Variants in ACAP2 observed in about 807,000 individuals in gnomAD.
ACAP2 encodes arf-GAP with coiled-coil, ANK repeat and PH domain-containing protein 2.
ACAP2 carries 39 observed loss-of-function variants against 115.8 expected under a neutral mutation model. The ratio of observed to expected loss-of-function variants is 0.34; its 90% CI spans 0.26 to 0.44. The LOEUF (loss-of-function observed/expected upper bound fraction) is 0.44. Among genes scored for constraint, ACAP2 ranks in the 20% least tolerant of loss-of-function variants. The pLI is 1.00. For synonymous variants in ACAP2, 289 were observed against 315.8 expected, an observed-to-expected ratio of 0.92 and a Z score of 0.90; for missense variants, 662 against 927.6, an observed-to-expected ratio of 0.71 and a Z score of 3.72.
At position 195,276,465 on chromosome 3, in the gene ACAP2, C is replaced by T. The variant is rs1726188429; in HGVS notation, c.*2863G>A. 2 of 152,164 alleles carry T rather than the reference C, an allele frequency of 1.3e-5. No homozygotes were observed. The highest frequency in any genetic ancestry group is 4.1e-4 in the South Asian group (2 of 4,834). 9.4% of individuals were successfully genotyped at this position (152,164 alleles called of 1,614,324 possible). A position where few individuals can be genotyped will look rare whatever the true frequency, so the allele number is the denominator to read the frequency against. On this transcript the variant is annotated 3_prime_UTR_variant, in exon 23 of 23. Coordinates refer to ENST00000326793, the MANE Select transcript of ACAP2 (RefSeq NM_012287.6). ...TCAATTACTTTTATTCTAGCTCTAA[C>T]ATGAAATTGCATTTTATTAACTCTT...
chr3:195,304,163 C>CAAAAAAAAAAAAAAA (rs56055597), intron 13 of ACAP2, among the ~76,000 whole-genome samples: 1 of 63,278 alleles, frequency 1.6e-5, no homozygotes, highest in Non-Finnish European at 2.6e-5. Context: ...GACTCCATCT[C>CAAAAAAAAAAAAAAA]AAAAAAAAAA....
Position 195,385,432 on chromosome 3 carries a change from C to A in ACAP2, c.112-3410G>T, listed in dbSNP as rs962155262. Among the ~76,000 whole-genome samples, 12 of 148,182 alleles carry A rather than the reference C, an allele frequency of 8.1e-5. No homozygotes were observed. The East Asian group carries it at 2.4e-3, about 29-fold the overall frequency. On this transcript the variant is annotated intron_variant, in intron 2 of 22. Coordinates refer to ENST00000326793, the MANE Select transcript of ACAP2 (RefSeq NM_012287.6). ...CTTTATCTACTTAAGATAGAGGTGG[C>A]AGAGAAGGGAAAGGAGAGAGATGCT...
At chr3:195,364,161 CA>C (rs1370954664) in intron 4 of ACAP2, among the ~76,000 whole-genome samples, 1 of 152,082 alleles carries the variant, frequency 6.6e-6, no homozygotes, top group Non-Finnish European at 1.5e-5. Flanking sequence ...AGTGAAGAGA[CA>C]ATCCACAGGA....
chr3:195,333,920 G>A (rs941656143), intron 7 of ACAP2, among the ~76,000 whole-genome samples: 12 of 152,136 alleles, frequency 7.9e-5, no homozygotes, highest in Non-Finnish European at 1.5e-4. Context: ...AATAAAATGA[G>A]TCAACCGAAT....
intron 9 of ACAP2, among the ~76,000 whole-genome samples, chr3:195,323,153 T>C (rs901945605): frequency 1.3e-5 from 2 of 152,060 alleles, no homozygotes; most frequent in African/African-American, 4.8e-5. Context: ...TAATAGAAAC[T>C]TTCCCTTTGA....
intron 1 of ACAP2, among the ~76,000 whole-genome samples, chr3:195,404,619 T>C (rs1281515597): frequency 6.6e-6 from 1 of 151,742 alleles, no homozygotes; most frequent in East Asian, 1.9e-4. Context: ...ATCTTCATTT[T>C]CTTTCTCAGA....
chr3:195,387,171 G>A (rs981010933), intron 2 of ACAP2, among the ~76,000 whole-genome samples: 1 of 152,166 alleles, frequency 6.6e-6, no homozygotes, highest in Admixed American at 6.5e-5. Context: ...CAAAATACTT[G>A]TTAGATGACA....
At chr3:195,428,383 C>CAT (rs1218426397) in intron 1 of ACAP2, among the ~76,000 whole-genome samples, 3 of 150,464 alleles carry the variant, frequency 2.0e-5, no homozygotes, top group Admixed American at 6.6e-5. Flanking sequence ...TAGGTCTATA[C>CAT]ATATATATAC....
chr3:195,351,132 G>T lies in ACAP2; in HGVS notation c.286-5815C>A, dbSNP rs560394288. 7.6e-4 allele frequency among the ~76,000 whole-genome samples: 59 copies of T among 77,702 alleles called. 1 individual carries two copies. Among genetic ancestry groups the T allele is most frequent in the African/African-American group, 3.2e-3 (58 of 17,998 alleles). 51.0% of individuals were successfully genotyped at this position (77,702 alleles called of 152,430 possible). A position where few individuals can be genotyped will look rare whatever the true frequency, so the allele number is the denominator to read the frequency against. On this transcript the variant is annotated intron_variant, in intron 4 of 22. Transcript: ENST00000326793. ...AAGATAAATCCTTTTTTTTTTTTGG[G>T]CGGGGGACAGGGTCTTGCTCTGTCG...
At chr3:195,353,074 T>C (rs1033836417) in intron 4 of ACAP2, among the ~76,000 whole-genome samples, 5 of 138,202 alleles carry the variant, frequency 3.6e-5, no homozygotes, top group Non-Finnish European at 7.7e-5. Context: ...AGTGAGACTC[T>C]GTCTTTAAAA....
intron 1 of ACAP2, among the ~76,000 whole-genome samples, chr3:195,426,328 T>C (rs1714683788): frequency 1.3e-5 from 2 of 152,158 alleles, no homozygotes; most frequent in Admixed American, 1.3e-4. Flanking sequence ...GCAAACATCC[T>C]GGGTTTCCAG....
At chr3:195,292,536 T>C in intron 18 of ACAP2, 84 bp from the exon 19 acceptor site, 21 of 1,364,086 alleles carry the variant, frequency 1.5e-5, no homozygotes, top group Non-Finnish European at 2.0e-5. Context: ...AGTTTCAGTT[T>C]TGCAAGATAA....
intron 1 of ACAP2, among the ~76,000 whole-genome samples, chr3:195,411,736 T>C (rs867480000): frequency 1.3e-5 from 2 of 151,956 alleles, no homozygotes; most frequent in South Asian, 2.1e-4. Context: ...ATAAAATAAA[T>C]ATGCAGCATT....
intron 4 of ACAP2, among the ~76,000 whole-genome samples, chr3:195,350,419 A>G: frequency 6.6e-6 from 1 of 152,036 alleles, no homozygotes; most frequent in East Asian, 1.9e-4. Context: ...CAACAGTTTG[A>G]GAGGATCACT....
intron 4 of ACAP2, among the ~76,000 whole-genome samples, chr3:195,367,879 A>C (rs1560293356): frequency 6.6e-6 from 1 of 152,216 alleles, no homozygotes; most frequent in African/African-American, 2.4e-5. Flanking sequence ...AGCCACAGTC[A>C]AGCCACCCAG....
intron 4 of ACAP2, chr3:195,349,861 A>C (rs1247892816): frequency 3.0e-6 from 1 of 329,334 alleles, no homozygotes; most frequent in Non-Finnish European, 5.9e-6. Flanking sequence ...CAGGCAAAAC[A>C]AAGCTGTCTG....
rs1178750266 is a variant in ACAP2 at position 195,276,024 on chromosome 3, T to C, written c.*3304A>G. On this transcript the variant is annotated 3_prime_UTR_variant, in exon 23 of 23. Transcript: ENST00000326793. ...ATGTCCATGATCCAAAGTGATATTA[T>C]ACACAAGTGTTATCTGACAATATAA... 1 of 152,666 alleles carries C rather than the reference T, an allele frequency of 6.6e-6. No homozygotes were observed. Among genetic ancestry groups the C allele is most frequent in the Non-Finnish European group, 1.5e-5 (1 of 68,032 alleles). 9.5% of individuals were successfully genotyped at this position (152,666 alleles called of 1,614,324 possible).
intron 4 of ACAP2, among the ~76,000 whole-genome samples, chr3:195,369,015 C>T (rs919095937): frequency 6.6e-6 from 1 of 150,916 alleles, no homozygotes; most frequent in Non-Finnish European, 1.5e-5. Context: ...ACCTGGGAGG[C>T]GGAGGTTGCA....
intron 5 of ACAP2, among the ~76,000 whole-genome samples, chr3:195,344,221 A>G (rs1469205610): frequency 1.3e-5 from 2 of 152,142 alleles, no homozygotes; most frequent in African/African-American, 4.8e-5. Flanking sequence ...CTGTCTCTAT[A>G]TTTAAAAAAG....
Sources: gnomAD v4.1 joint callset for allele counts (sites outside exome capture counted in the v4.1 genomes callset) on GRCh38, gnomAD v4.1.1 for gene constraint, MANE v1.5 for transcripts, NCBI Gene and HGNC (gene_info 2026-07-23, HGNC 2026-07-21) for gene names.